The following NIT2 variants were observed in gnomAD, a reference collection of about 807,000 sequenced individuals.
The protein encoded by NIT2 is omega-amidase NIT2.
Under a neutral mutation model 42.7 loss-of-function variants are expected in NIT2, and 46 were observed. That is an observed-to-expected ratio of 1.08 (90% CI 0.85 to 1.38). The LOEUF (loss-of-function observed/expected upper bound fraction) is 1.38, where lower values mean the gene tolerates loss of function less well. NIT2 is among the 40% of genes most tolerant of loss of function. NIT2 has a pLI of 0.00. For missense variants in NIT2, 309 were observed against 342.5 expected (o/e 0.90, Z 0.77); for synonymous variants, 123 against 121.9 (o/e 1.01, Z -0.06).
intron 1 of NIT2, among the ~76,000 whole-genome samples, chr3:100,336,281 C>T (rs11714045): frequency 0.26 from 38,895 of 152,056 alleles, 6,032 homozygotes; most frequent in Middle Eastern, 0.39. Context: ...TTTTCAGACT[C>T]TGGAGCAGAG....
rs1706126307 is a variant in NIT2 at position 100,339,741 on chromosome 3, A to G, written c.127-74A>G. The G allele has an allele frequency of 3.5e-6, 5 of 1,441,532 alleles. No individual in the cohort carries two copies. In the Admixed American group the frequency reaches 9.9e-5, roughly 29 times the overall value. 89.3% of individuals were successfully genotyped at this position (1,441,532 alleles called of 1,614,324 possible). On this transcript the variant is annotated intron_variant, in intron 2 of 9. Transcript: ENST00000394140. The stretch of plus-strand genomic sequence containing the variant: ...GAAAGCAGAGCTAGAAGCAGCAGCT[A>G]TGGCCTCTTACAGCAGAACTTTAAA...
chr3:100,354,771 G>C lies in NIT2; in HGVS notation c.684-1G>C, dbSNP rs1366179946. ...CTCATTCTCTTCTGCATCTTTTTCAGGGGGGAGGTTCTAGCCAAAGCTGGC... is the reference window on the plus strand; with the variant it reads ...CTCATTCTCTTCTGCATCTTTTTCACGGGGGAGGTTCTAGCCAAAGCTGGC... On this transcript the variant is annotated splice_acceptor_variant, in intron 8 of 9. Transcript: ENST00000394140. LOFTEE classifies it high-confidence loss of function. 1 of 1,604,838 alleles carries C rather than the reference G, an allele frequency of 6.2e-7. No individual in the cohort carries two copies. Among genetic ancestry groups the C allele is most frequent in the Non-Finnish European group, 8.5e-7 (1 of 1,175,172 alleles).
chr3:100,361,275 G>A lies in NIT2; in HGVS notation c.*6007G>A, dbSNP rs1389905525. The A allele has an allele frequency of 1.3e-5, 2 of 149,780 alleles. No homozygotes were observed. The highest frequency in any genetic ancestry group is 6.7e-5 in the Admixed American group (1 of 14,954). The allele number at this position is 149,780 out of a possible 1,614,324, so 9.3% of individuals were successfully genotyped here. ...GCTGCATTCTTGCTTTAAACCTTTCGCCCTCTAAAACAATGCCCAAGAGCC... is the reference window on the plus strand; with the variant it reads ...GCTGCATTCTTGCTTTAAACCTTTCACCCTCTAAAACAATGCCCAAGAGCC... On this transcript the variant is annotated 3_prime_UTR_variant, in exon 10 of 10. Transcript: ENST00000394140.
rs199753663 is a variant in NIT2, at chr3:100,334,795, A to G, written c.4A>G (p.Thr2Ala). 2.6e-4 allele frequency: 340 copies of G among 1,304,846 alleles called. 1 individual carries two copies. The highest frequency in any genetic ancestry group is 3.2e-4 in the Non-Finnish European group (326 of 1,020,804). 80.8% of individuals were successfully genotyped at this position (1,304,846 alleles called of 1,614,324 possible). A position where few individuals can be genotyped will look rare whatever the true frequency, so the allele number is the denominator to read the frequency against. The change falls in exon 1 of 10, where the codon ACC becomes GCC. Residue 2 changes from threonine to alanine, a missense_variant. By Grantham distance (58) the Thr-to-Ala change is moderately conservative. Coordinates refer to ENST00000394140, the MANE Select transcript of NIT2 (RefSeq NM_020202.5). M[T>A]SFRLALIQLQ... ...GGTGGTGCTTGTCTGCAGAGTCATG[A>G]CCTGTAAGTGGCGCGGCCGCGCGCT... is the stretch of plus-strand genomic sequence containing the variant.
intron 3 of NIT2, 27 bp from the exon 4 acceptor site, chr3:100,341,046 A>G (rs770635998): frequency 1.4e-6 from 2 of 1,474,730 alleles, no homozygotes; most frequent in African/African-American, 1.4e-5. Flanking sequence ...TCTTTTTCTT[A>G]TGGTATGTTT....
chr3:100,334,918 C>A, intron 1 of NIT2, 120 bp downstream of exon 1: 1 of 1,015,192 alleles, frequency 9.9e-7, no homozygotes, highest in Non-Finnish European at 1.3e-6. Flanking sequence ...CGTGCGCGGC[C>A]TTCCCTGAGG....
intron 6 of NIT2, among the ~76,000 whole-genome samples, chr3:100,347,897 CT>C (rs35843153): frequency 4.3e-4 from 62 of 145,750 alleles, no homozygotes; most frequent in Admixed American, 6.2e-4. Flanking sequence ...TATGGGTTTC[CT>C]TTTTTTTTTT....
chr3:100,346,366 C>A, intron 6 of NIT2, 111 bp downstream of exon 6: 1 of 909,568 alleles, frequency 1.1e-6, no homozygotes, highest in Non-Finnish European at 1.7e-6. Context: ...TTAATTTCTC[C>A]ATCTTCAGCC....
At chr3:100,344,435 C>T (rs943460554) in intron 4 of NIT2, among the ~76,000 whole-genome samples, 12 of 152,264 alleles carry the variant, frequency 7.9e-5, no homozygotes, top group African/African-American at 2.7e-4. Flanking sequence ...GCTGGAAGAA[C>T]AGCCAGCATT....
At chr3:100,336,847 C>A (rs763940579) in intron 1 of NIT2, among the ~76,000 whole-genome samples, 3 of 152,204 alleles carry the variant, frequency 2.0e-5, no homozygotes, top group Non-Finnish European at 4.4e-5. Context: ...CTTCCTCTTG[C>A]ACTAATCCTC....
chr3:100,357,338 A>G lies in NIT2; in HGVS notation c.*2070A>G, dbSNP rs1265532494. 1.3e-5 allele frequency: 2 copies of G among 152,112 alleles called. No individual in the cohort carries two copies. The highest frequency in any genetic ancestry group is 6.5e-5 in the Admixed American group (1 of 15,272). 9.4% of individuals were successfully genotyped at this position (152,112 alleles called of 1,614,324 possible). A position where few individuals can be genotyped will look rare whatever the true frequency, so the allele number is the denominator to read the frequency against. On this transcript the variant is annotated 3_prime_UTR_variant, in exon 10 of 10. Coordinates refer to ENST00000394140, the MANE Select transcript of NIT2 (RefSeq NM_020202.5). ...TTCTTACTTTTATATATTTTACTCA[A>G]TCTCATGACAGATTACATTTTCTTT...
intron 3 of NIT2, among the ~76,000 whole-genome samples, chr3:100,340,554 T>TA: frequency 6.6e-6 from 1 of 152,214 alleles, no homozygotes. Context: ...TGATGATATA[T>TA]TAAGAATTAG....
At chr3:100,346,103 T>C in intron 5 of NIT2, 78 bp from the exon 6 acceptor site, 1 of 1,108,590 alleles carries the variant, frequency 9.0e-7, no homozygotes, top group Non-Finnish European at 1.4e-6. Flanking sequence ...GTGATCATTA[T>C]GTCATGGAGG....
chr3:100,341,507 T>C (rs112002753), intron 4 of NIT2, among the ~76,000 whole-genome samples: 1 of 152,158 alleles, frequency 6.6e-6, no homozygotes, highest in South Asian at 2.1e-4. Flanking sequence ...TAGCTGGGAC[T>C]ACAGGTGCCC....
chr3:100,352,343 G>T, intron 7 of NIT2, 61 bp from the exon 8 acceptor site: 1 of 1,300,310 alleles, frequency 7.7e-7, no homozygotes, highest in Non-Finnish European at 1.1e-6. Context: ...TATCTACTTG[G>T]GTTAGAAAAA....
chr3:100,339,135 A>G lies in NIT2; in HGVS notation c.56A>G (p.Asp19Gly). Residue 19 changes from aspartate (D) to glycine (G), a missense_variant, in exon 2 of 10, where the codon GAT becomes GGT. Physicochemically the swap from Asp to Gly is moderately conservative, Grantham distance 94. Transcript: ENST00000394140. ...CTTCAGATTTCTTCCATCAAATCAG[A>G]TAACGTCACTCGCGCTTGTAGCTTC... is the stretch of plus-strand genomic sequence containing the variant. The part of the protein sequence containing the change: ...IQLQISSIKS[D>G]NVTRACSFIR... 6.2e-7 allele frequency: 1 copy of G among 1,614,110 alleles called. No individual in the cohort carries two copies.
chr3:100,341,585 G>T lies in NIT2; in HGVS notation c.336+424G>T, dbSNP rs1302977746. 2.0e-5 allele frequency among the ~76,000 whole-genome samples: 3 copies of T among 151,942 alleles called. No individual in the cohort carries two copies. The South Asian group carries it at 6.2e-4, about 32-fold the overall frequency. Reference sequence around the variant, plus strand: ...TGGTTTCACCGTGTTAGCCAGGATGGTCTCAATCTCCTGACCTCATGATCC... The same window carrying T: ...TGGTTTCACCGTGTTAGCCAGGATGTTCTCAATCTCCTGACCTCATGATCC... On this transcript the variant is annotated intron_variant, in intron 4 of 9. Coordinates refer to ENST00000394140, the MANE Select transcript of NIT2 (RefSeq NM_020202.5).
At chr3:100,352,349 A>G in intron 7 of NIT2, 55 bp from the exon 8 acceptor site, 1 of 1,418,090 alleles carries the variant, frequency 7.1e-7, no homozygotes, top group Non-Finnish European at 9.9e-7. Flanking sequence ...CTTGGGTTAG[A>G]AAAATGTCAG....
chr3:100,344,935 G>T (rs139482676), intron 4 of NIT2, among the ~76,000 whole-genome samples: 22 of 144,560 alleles, frequency 1.5e-4, no homozygotes, highest in African/African-American at 5.8e-4. Flanking sequence ...TTGTCAGTTT[G>T]ATTCTGATAA....
Sources: allele counts gnomAD v4.1 joint callset (sites outside exome capture counted in the v4.1 genomes callset), GRCh38; gene constraint gnomAD v4.1.1; transcripts MANE v1.5; gene names NCBI Gene and HGNC (gene_info 2026-07-23, HGNC 2026-07-21).